The following PCDHGA8 variants were observed in gnomAD, a reference collection of about 807,000 sequenced individuals.
PCDHGA8 encodes protocadherin gamma-A8.
In PCDHGA8, 45 loss-of-function variants were observed where a neutral mutation model predicts 59.2. The ratio of observed to expected loss-of-function variants is 0.76; its 90% CI spans 0.60 to 0.98. PCDHGA8 has a LOEUF of 0.98. Among genes scored for constraint, PCDHGA8 ranks in the 50% least tolerant of loss-of-function variants. PCDHGA8 has a pLI of 0.00. For missense variants in PCDHGA8, 1,257 were observed against 1,196.2 expected (o/e 1.05, Z -0.75); for synonymous variants, 531 against 519.0 (o/e 1.02, Z -0.32).
At chr5:141,416,132 A>C in intron 1 of PCDHGA8, 1 of 154,082 alleles carries the variant, frequency 6.5e-6, no homozygotes, top group Non-Finnish European at 1.4e-5. Context: ...ATATTTTTCA[A>C]TCTATACTTT....
intron 1 of PCDHGA8, among the ~76,000 whole-genome samples, chr5:141,459,307 A>G (rs1175102009): frequency 6.6e-6 from 1 of 152,198 alleles, no homozygotes; most frequent in Non-Finnish European, 1.5e-5. Context: ...AACATATACT[A>G]TTTTGTATCC....
chr5:141,394,100 ACCACCTCTGT>A lies in PCDHGA8; in HGVS notation c.1292_1301del (p.Pro431LeufsTer29). On this transcript the variant is annotated frameshift_variant, in exon 1 of 4. Coordinates refer to ENST00000398604, the MANE Select transcript of PCDHGA8 (RefSeq NM_032088.2). LOFTEE classifies it high-confidence loss of function. ...CAGTGATGGCCTCAGATCTAGGAAC[ACCACCTCTGT>A]CCACTGAAACTCAAATCGCTCTGCA... 1 of 1,613,942 alleles carries A rather than the reference ACCACCTCTGT, an allele frequency of 6.2e-7. No individual in the cohort carries two copies. Among genetic ancestry groups the A allele is most frequent in the Admixed American group, 1.7e-5 (1 of 60,008 alleles).
chr5:141,494,671 C>T, intron 1 of PCDHGA8, 136 bp from the exon 2 acceptor site: 1 of 1,532,340 alleles, frequency 6.5e-7, no homozygotes, highest in East Asian at 2.4e-5. Context: ...GAGATGAGTC[C>T]ACCCCTGCCC....
chr5:141,398,197 T>G lies in PCDHGA8; in HGVS notation c.2424+2960T>G, dbSNP rs1317220760. On this transcript the variant is annotated intron_variant, in intron 1 of 3. Transcript: ENST00000398604. Reference sequence around the variant, plus strand: ...AGTGCTCTTTCTCTTCCTGCTGTCTTTGTTCTGCCCGGCGCTCTGTGAGCA... The same window carrying G: ...AGTGCTCTTTCTCTTCCTGCTGTCTGTGTTCTGCCCGGCGCTCTGTGAGCA... 2.7e-6 allele frequency: 4 copies of G among 1,492,294 alleles called. No homozygotes were observed. The African/African-American group carries it at 4.2e-5, about 16-fold the overall frequency. The allele number at this position is 1,492,294 out of a possible 1,614,324, so 92.4% of individuals were successfully genotyped here.
chr5:141,400,321 G>A lies in PCDHGA8; in HGVS notation c.2424+5084G>A, dbSNP rs190006023. On this transcript the variant is annotated intron_variant, in intron 1 of 3. Coordinates refer to ENST00000398604, the MANE Select transcript of PCDHGA8 (RefSeq NM_032088.2). ...CCAACCTGGTCTCTGTGTCAAGTCTGGACCTGTGGTTCCCCCCAACTACAG... is the reference window on the plus strand; with the variant it reads ...CCAACCTGGTCTCTGTGTCAAGTCTAGACCTGTGGTTCCCCCCAACTACAG... The A allele has an allele frequency of 9.3e-6, 15 of 1,614,064 alleles. No homozygotes were observed. In the Admixed American group the frequency reaches 2.5e-4, roughly 27 times the overall value.
intron 2 of PCDHGA8, among the ~76,000 whole-genome samples, chr5:141,501,703 G>A (rs183907124): frequency 6.6e-6 from 1 of 152,088 alleles, no homozygotes; most frequent in Non-Finnish European, 1.5e-5. Flanking sequence ...GTGATTCCGA[G>A]GATAAAAAAG....
rs1001555249 is a variant in PCDHGA8, at chr5:141,486,728, G to A, written c.2425-8079G>A. The A allele has an allele frequency of 1.2e-6, 2 of 1,614,200 alleles. No homozygotes were observed. The highest frequency in any genetic ancestry group is 1.7e-6 in the Non-Finnish European group (2 of 1,180,052). On this transcript the variant is annotated intron_variant, in intron 1 of 3. Transcript: ENST00000398604. This position sits in a 1 kb window ranked among gnomAD's most constrained non-coding sequence, Gnocchi z 5.0. Reference sequence around the variant, plus strand: ...GAACCCCCAGACAGGAGCTGTTCATGCTACTCGATCCTTTGACTATGAGCA... The same window carrying A: ...GAACCCCCAGACAGGAGCTGTTCATACTACTCGATCCTTTGACTATGAGCA...
intron 1 of PCDHGA8, chr5:141,423,597 G>A: frequency 6.2e-7 from 1 of 1,613,188 alleles, no homozygotes; most frequent in Non-Finnish European, 8.5e-7. Context: ...AGAAAAGCGA[G>A]CCACTCTTGA....
chr5:141,482,363 G>C (rs2099556985), intron 1 of PCDHGA8, among the ~76,000 whole-genome samples: 1 of 152,086 alleles, frequency 6.6e-6, no homozygotes, highest in African/African-American at 2.4e-5. Flanking sequence ...AGAGTGAAAA[G>C]TAATGCATAT....
Position 141,423,519 on chromosome 5 carries a change from G to A in PCDHGA8, c.2424+28282G>A, listed in dbSNP as rs758742300. On this transcript the variant is annotated intron_variant, in intron 1 of 3. Coordinates refer to ENST00000398604, the MANE Select transcript of PCDHGA8 (RefSeq NM_032088.2). ...ACGAGGTCTCTCTCATTGCGGACTC[G>A]CAGAAGAGTCACCTGATTTTCCCCC... 8.1e-6 allele frequency: 13 copies of A among 1,613,752 alleles called. 1 individual carries two copies. In the South Asian group the frequency reaches 1.1e-4, roughly 14 times the overall value.
chr5:141,403,006 G>T, intron 1 of PCDHGA8: 3 of 1,614,006 alleles, frequency 1.9e-6, no homozygotes, highest in African/African-American at 1.3e-5. Context: ...TGCTATGCTC[G>T]CTCCTGGGGA....
At chr5:141,414,241 C>T in intron 1 of PCDHGA8, 1 of 1,613,472 alleles carries the variant, frequency 6.2e-7, no homozygotes, top group Non-Finnish European at 8.5e-7. Context: ...CATCACGTCT[C>T]TATTTAGTCC....
chr5:141,415,368 T>C (rs762653261), intron 1 of PCDHGA8: 1 of 1,614,244 alleles, frequency 6.2e-7, no homozygotes, highest in Non-Finnish European at 8.5e-7. Context: ...TGCTGCAGGC[T>C]TCAGGAGGCG....
At chr5:141,464,407 A>G (rs996561936) in intron 1 of PCDHGA8, among the ~76,000 whole-genome samples, 1 of 151,544 alleles carries the variant, frequency 6.6e-6, no homozygotes, top group Non-Finnish European at 1.5e-5. Flanking sequence ...CCTGAGATAT[A>G]TATATATCTA....
chr5:141,482,500 G>T (rs1409735210), intron 1 of PCDHGA8, among the ~76,000 whole-genome samples: 1 of 133,788 alleles, frequency 7.5e-6, no homozygotes, highest in Non-Finnish European at 1.5e-5. Flanking sequence ...TATCATTCTG[G>T]TACCCAGAGT....
intron 1 of PCDHGA8, chr5:141,409,073 A>G (rs200127436): frequency 6.2e-7 from 1 of 1,613,866 alleles, no homozygotes. Context: ...CACAAAACAT[A>G]TGTTCTCATT....
Position 141,400,542 on chromosome 5 carries a change from C to G in PCDHGA8, c.2424+5305C>G, listed in dbSNP as rs373097307. On this transcript the variant is annotated intron_variant, in intron 1 of 3. Transcript: ENST00000398604. ...CTGAGTTGGTGAGTTTCATTTATGT[C>G]TATTCTTTTTCATTACCCACCCAAT... 5.6e-6 allele frequency: 9 copies of G among 1,613,628 alleles called. No individual in the cohort carries two copies. In the African/African-American group the frequency reaches 8.0e-5, roughly 14 times the overall value.
chr5:141,481,427 T>C lies in PCDHGA8; in HGVS notation c.2425-13380T>C, dbSNP rs79272909. Reference sequence around the variant, plus strand: ...TTGTATAATTAGATTGTGATGATGATTGTATCAGTTTAGTACATGTAAATA... The same window carrying C: ...TTGTATAATTAGATTGTGATGATGACTGTATCAGTTTAGTACATGTAAATA... On this transcript the variant is annotated intron_variant, in intron 1 of 3. Transcript: ENST00000398604. Among the ~76,000 whole-genome samples the C allele has an allele frequency of 6.0e-3, 907 of 152,334 alleles. 5 individuals are homozygous for C. Among genetic ancestry groups the C allele is most frequent in the African/African-American group, 0.02 (840 of 41,578 alleles).
chr5:141,412,967 A>G, intron 1 of PCDHGA8: 1 of 520,650 alleles, frequency 1.9e-6, no homozygotes, highest in Non-Finnish European at 3.3e-6. Context: ...CTACTAGGAG[A>G]GAAAACGCAG....
Sources: gnomAD v4.1 joint callset for allele counts (sites outside exome capture counted in the v4.1 genomes callset) on GRCh38, gnomAD v4.1.1 for gene constraint, Gnocchi (gnomAD v3.1) non-coding constraint, MANE v1.5 for transcripts, NCBI Gene and HGNC (gene_info 2026-07-23, HGNC 2026-07-21) for gene names.